The following HIVEP3 variants were observed in gnomAD, a reference collection of about 807,000 sequenced individuals.
HIVEP3 encodes transcription factor HIVEP3.
In HIVEP3, 49 loss-of-function variants were observed where a neutral mutation model predicts 152.8. That is an observed-to-expected ratio of 0.32 (90% CI 0.26 to 0.41). The LOEUF (loss-of-function observed/expected upper bound fraction) is 0.41, where lower values mean the gene tolerates loss of function less well. HIVEP3 is among the 10% of genes least tolerant of loss of function. HIVEP3 has a pLI of 1.00. For missense variants in HIVEP3, 2,790 were observed against 3,103.3 expected, an observed-to-expected ratio of 0.90 and a Z score of 2.40; for synonymous variants, 1,269 against 1,289.0, an observed-to-expected ratio of 0.98 and a Z score of 0.33.
At chr1:41,686,272 C>T (rs1169940079) in intron 2 of HIVEP3, among the ~76,000 whole-genome samples, 1 of 152,076 alleles carries the variant, frequency 6.6e-6, no homozygotes, top group African/African-American at 2.4e-5. Context: ...TGGGGTTTCA[C>T]CATGTTGGCC....
At chr1:41,719,014 G>C (rs893736444) in intron 1 of HIVEP3, among the ~76,000 whole-genome samples, 1 of 152,208 alleles carries the variant, frequency 6.6e-6, no homozygotes, top group African/African-American at 2.4e-5. Context: ...AACAGCCCAT[G>C]GCCAAGTGGG....
intron 1 of HIVEP3, among the ~76,000 whole-genome samples, chr1:41,718,673 G>A (rs779334497): frequency 6.6e-6 from 1 of 152,160 alleles, no homozygotes; most frequent in Non-Finnish European, 1.5e-5. Flanking sequence ...AACATGGTGT[G>A]TGTGGCCTGG....
intron 1 of HIVEP3, among the ~76,000 whole-genome samples, chr1:41,975,109 C>T (rs1203424623): frequency 6.6e-6 from 1 of 152,138 alleles, no homozygotes; most frequent in Non-Finnish European, 1.5e-5. Context: ...GGAGACCTGG[C>T]CCCCTTGCCT....
At chr1:41,709,003 A>C (rs1646474046) in intron 1 of HIVEP3, among the ~76,000 whole-genome samples, 1 of 152,174 alleles carries the variant, frequency 6.6e-6, no homozygotes, top group South Asian at 2.1e-4. Context: ...AGCCTTTCTC[A>C]GGGGTTCTGG....
intron 1 of HIVEP3, among the ~76,000 whole-genome samples, chr1:41,710,962 G>C (rs1330611252): frequency 6.6e-6 from 1 of 152,230 alleles, no homozygotes; most frequent in Non-Finnish European, 1.5e-5. Context: ...GGAAGCTGAA[G>C]ACCGGAGAAA....
chr1:41,871,947 TATA>T (rs1207660351), intron 1 of HIVEP3, among the ~76,000 whole-genome samples: 1 of 152,208 alleles, frequency 6.6e-6, no homozygotes, highest in East Asian at 1.9e-4. Flanking sequence ...TAGTTTTCCT[TATA>T]AAAATAAGTT....
At chr1:41,970,723 C>T (rs1443929396) in intron 1 of HIVEP3, among the ~76,000 whole-genome samples, 1 of 152,094 alleles carries the variant, frequency 6.6e-6, no homozygotes, top group Non-Finnish European at 1.5e-5. Context: ...AAGATGAGCT[C>T]ATTACGGTGA....
rs1300605783 is a variant in HIVEP3, at chr1:41,605,123, A to C, written c.-521-19805T>G. Among the ~76,000 whole-genome samples, 3 of 113,954 alleles carry C rather than the reference A, an allele frequency of 2.6e-5. No individual in the cohort carries two copies. The Admixed American group carries it at 2.7e-4, about 10-fold the overall frequency. 74.8% of individuals were successfully genotyped at this position (113,954 alleles called of 152,430 possible). On this transcript the variant is annotated intron_variant, in intron 3 of 8. Transcript: ENST00000372583. ...CTGTCTCCAATAAAAAAAAAAAAAA[A>C]GAGAAAGGGAAGGGAAGGGAAGGGA... is the stretch of plus-strand genomic sequence containing the variant.
chr1:41,589,883 C>T (rs1644561672), intron 3 of HIVEP3, among the ~76,000 whole-genome samples: 1 of 152,198 alleles, frequency 6.6e-6, no homozygotes, highest in Non-Finnish European at 1.5e-5. Flanking sequence ...AGTAATAAAA[C>T]ATACTGATGT....
At chr1:41,539,379 T>C (rs1410449865) in intron 5 of HIVEP3, among the ~76,000 whole-genome samples, 1 of 152,226 alleles carries the variant, frequency 6.6e-6, no homozygotes, top group Admixed American at 6.5e-5. Flanking sequence ...TCGAGACTTC[T>C]TTCCTCCAGT....
chr1:41,927,733 A>G (rs1401100950), intron 1 of HIVEP3, among the ~76,000 whole-genome samples: 3 of 152,076 alleles, frequency 2.0e-5, no homozygotes, highest in African/African-American at 7.2e-5. Flanking sequence ...AAAACTTCAT[A>G]CCTCTCTTAG....
rs1302935303 is a variant in HIVEP3, at chr1:41,718,061, C to T, written c.-800-17066G>A. Reference sequence around the variant, plus strand: ...CTGGAAATCCCAGAATCAGAATGACCGGTATCTTAGCATCCAAGGATTCGG... The same window carrying T: ...CTGGAAATCCCAGAATCAGAATGACTGGTATCTTAGCATCCAAGGATTCGG... On this transcript the variant is annotated intron_variant, in intron 1 of 8. Transcript: ENST00000372583. Among the ~76,000 whole-genome samples the T allele has an allele frequency of 7.9e-5, 12 of 152,212 alleles. 1 individual carries two copies. The highest frequency in any genetic ancestry group is 4.6e-4 in the Admixed American group (7 of 15,284).
Position 41,574,268 on chromosome 1 carries a change from A to G in HIVEP3, c.5207+1276T>C, listed in dbSNP as rs186153918. Among the ~76,000 whole-genome samples the G allele has an allele frequency of 3.9e-5, 6 of 152,258 alleles. No individual in the cohort carries two copies. The East Asian group carries it at 1.2e-3, about 29-fold the overall frequency. On this transcript the variant is annotated intron_variant, in intron 5 of 8. Transcript: ENST00000372583. Reference sequence around the variant, plus strand: ...GATCCAGTGGCATGAGAACACAGAGACACACGAGGGCGCTCTAACCAAACA... The same window carrying G: ...GATCCAGTGGCATGAGAACACAGAGGCACACGAGGGCGCTCTAACCAAACA...
At chr1:41,895,208 C>T (rs1644508608) in intron 1 of HIVEP3, among the ~76,000 whole-genome samples, 1 of 152,190 alleles carries the variant, frequency 6.6e-6, no homozygotes, top group South Asian at 2.1e-4. Context: ...TATGTGCAGG[C>T]TCCCCTGTCC....
intron 1 of HIVEP3, among the ~76,000 whole-genome samples, chr1:41,805,785 G>A (rs1650568571): frequency 1.3e-5 from 2 of 152,310 alleles, no homozygotes; most frequent in South Asian, 4.1e-4. Flanking sequence ...AAAGATTTCT[G>A]ACCCACCTCT....
chr1:41,746,347 T>C lies in HIVEP3; in HGVS notation c.-800-45352A>G, dbSNP rs150882294. ...AAACCAAGGGCTTCAAAAGGTGACA[T>C]GTTTGCTGGGGAAATGGGACTGGCT... On this transcript the variant is annotated intron_variant, in intron 1 of 8. Transcript: ENST00000372583. Among the ~76,000 whole-genome samples the C allele has an allele frequency of 3.2e-3, 490 of 152,326 alleles. 3 individuals are homozygous for C. The highest frequency in any genetic ancestry group is 0.011 in the African/African-American group (467 of 41,574).
chr1:41,898,565 C>T lies in HIVEP3; in HGVS notation c.-801+19848G>A, dbSNP rs1042788980. Among the ~76,000 whole-genome samples, 4 of 152,374 alleles carry T rather than the reference C, an allele frequency of 2.6e-5. No homozygotes were observed. In the South Asian group the frequency reaches 8.3e-4, roughly 32 times the overall value. On this transcript the variant is annotated intron_variant, in intron 1 of 8. Coordinates refer to ENST00000372583, the MANE Select transcript of HIVEP3 (RefSeq NM_024503.5). Reference sequence around the variant, plus strand: ...ATGCATCTTCAGGTCAGCCTGCCCACATGTAAACAGATGATACATGCACAC... The same window carrying T: ...ATGCATCTTCAGGTCAGCCTGCCCATATGTAAACAGATGATACATGCACAC...
intron 1 of HIVEP3, among the ~76,000 whole-genome samples, chr1:41,992,620 C>A (rs1272572960): frequency 0.012 from 1,727 of 141,018 alleles, 18 homozygotes; most frequent in Non-Finnish European, 0.017. Flanking sequence ...GCTACCAATG[C>A]CTTTCTTCAC....
chr1:41,828,830 C>T (rs1642877844), intron 1 of HIVEP3, among the ~76,000 whole-genome samples: 1 of 152,240 alleles, frequency 6.6e-6, no homozygotes, highest in African/African-American at 2.4e-5. Flanking sequence ...TTTCATTGTG[C>T]CAGGGCTTGC....
Sources: gnomAD v4.1 joint callset for allele counts (sites outside exome capture counted in the v4.1 genomes callset) on GRCh38, gnomAD v4.1.1 for gene constraint, MANE v1.5 for transcripts, NCBI Gene and HGNC (gene_info 2026-07-23, HGNC 2026-07-21) for gene names.